Variants in MBNL2 observed in about 807,000 individuals in gnomAD.
MBNL2 encodes muscleblind like splicing regulator 2, also known as muscleblind-like protein 2.
MBNL2 carries 17 observed loss-of-function variants against 41.9 expected under a neutral mutation model. The observed-to-expected ratio is 0.41, with a 90% CI of 0.28 to 0.61. MBNL2 has a LOEUF of 0.61. Among genes scored for constraint, MBNL2 ranks in the 20% least tolerant of loss-of-function variants. The probability of loss-of-function intolerance (pLI) is 0.35; values close to 1 mark genes in which losing one functional copy is unlikely to be tolerated. For missense variants in MBNL2, 336 were observed against 505.6 expected, an observed-to-expected ratio of 0.66 and a Z score of 3.22; for synonymous variants, 195 against 182.9, an observed-to-expected ratio of 1.07 and a Z score of -0.53.
intron 5 of MBNL2, among the ~76,000 whole-genome samples, chr13:97,349,868 A>ATTCT (rs1187250318): frequency 6.6e-6 from 1 of 152,190 alleles, no homozygotes; most frequent in African/African-American, 2.4e-5. Context: ...ATAGGGATGT[A>ATTCT]TTCTTACATC....
intron 3 of MBNL2, among the ~76,000 whole-genome samples, chr13:97,342,777 G>C (rs1185365434): frequency 1.3e-5 from 2 of 152,152 alleles, no homozygotes; most frequent in Non-Finnish European, 2.9e-5. Context: ...CTTTCATAGG[G>C]ACAAAAGCTT....
intron 2 of MBNL2, among the ~76,000 whole-genome samples, chr13:97,280,416 G>A (rs2053131361): frequency 6.6e-6 from 1 of 152,192 alleles, no homozygotes; most frequent in Non-Finnish European, 1.5e-5. Flanking sequence ...TTTAAAAATA[G>A]TATTGCTAAT....
chr13:97,362,803 A>G (rs1304160654), intron 7 of MBNL2, among the ~76,000 whole-genome samples: 1 of 152,206 alleles, frequency 6.6e-6, no homozygotes, highest in East Asian at 1.9e-4. Context: ...CCTAGAGATA[A>G]TAGTGACCAG....
At chr13:97,354,002 C>T (rs1476412354) in intron 5 of MBNL2, among the ~76,000 whole-genome samples, 4 of 145,142 alleles carry the variant, frequency 2.8e-5, no homozygotes, top group Admixed American at 1.4e-4. Context: ...GCACTTGGTT[C>T]GATTACCTTG....
intron 1 of MBNL2, among the ~76,000 whole-genome samples, chr13:97,250,300 T>C (rs1023438893): frequency 6.6e-6 from 1 of 152,240 alleles, no homozygotes; most frequent in African/African-American, 2.4e-5. Context: ...CAGTGCACTT[T>C]ACTGCATCAA....
the MBNL2 span, among the ~76,000 whole-genome samples, chr13:97,187,902 G>A: frequency 9.0e-5 from 10 of 111,420 alleles, no homozygotes; most frequent in East Asian, 2.0e-3. Flanking sequence ...GTGAGACTTC[G>A]TCTCAAAAAA....
chr13:97,300,829 C>T (rs531258143), intron 2 of MBNL2, among the ~76,000 whole-genome samples: 1 of 152,274 alleles, frequency 6.6e-6, no homozygotes, highest in East Asian at 1.9e-4. Flanking sequence ...CTGTAACTGG[C>T]CTTTTACCCT....
chr13:97,382,614 C>T (rs1324151831), intron 8 of MBNL2, among the ~76,000 whole-genome samples: 2 of 152,008 alleles, frequency 1.3e-5, no homozygotes, highest in South Asian at 2.1e-4. Flanking sequence ...AGCCACCAGA[C>T]CCATTCACAC....
At chr13:97,325,329 C>T (rs950749197) in intron 2 of MBNL2, among the ~76,000 whole-genome samples, 2 of 152,122 alleles carry the variant, frequency 1.3e-5, no homozygotes, top group African/African-American at 4.8e-5. Flanking sequence ...CAATCCTTAT[C>T]GGTAAGAGGG....
At chr13:97,292,243 C>A (rs1470274748) in intron 2 of MBNL2, among the ~76,000 whole-genome samples, 1 of 149,880 alleles carries the variant, frequency 6.7e-6, no homozygotes, top group Non-Finnish European at 1.5e-5. Flanking sequence ...GAAGAGGGAA[C>A]GACCCTTTCC....
chr13:97,260,325 T>C (rs183364564), intron 1 of MBNL2, among the ~76,000 whole-genome samples: 26 of 152,250 alleles, frequency 1.7e-4, no homozygotes, highest in African/African-American at 6.0e-4. Flanking sequence ...CCGAGGTCAG[T>C]GTAGGCCGTC....
chr13:97,325,192 A>G (rs2059813899), intron 2 of MBNL2, among the ~76,000 whole-genome samples: 1 of 152,302 alleles, frequency 6.6e-6, no homozygotes, highest in African/African-American at 2.4e-5. Flanking sequence ...ATAATTTCCA[A>G]ATGAAGCATC....
At chr13:97,172,145 CA>C in the MBNL2 span, among the ~76,000 whole-genome samples, 2 of 152,052 alleles carry the variant, frequency 1.3e-5, no homozygotes, top group Non-Finnish European at 2.9e-5. Flanking sequence ...TTGTGGTATC[CA>C]CCAGGATCAC....
chr13:97,315,671 G>A (rs866710517), intron 2 of MBNL2, among the ~76,000 whole-genome samples: 11 of 152,166 alleles, frequency 7.2e-5, no homozygotes, highest in East Asian at 1.9e-4. Context: ...ACTCATAGAC[G>A]AGGAAGGAAG....
At chr13:97,166,837 T>A in the MBNL2 span, among the ~76,000 whole-genome samples, 4,739 of 143,264 alleles carry the variant, frequency 0.033, 137 homozygotes, top group African/African-American at 0.088. Flanking sequence ...GATAGATAGA[T>A]AGAAAGATAG....
chr13:97,383,854 A>T (rs1279280360), intron 8 of MBNL2, among the ~76,000 whole-genome samples: 1 of 152,104 alleles, frequency 6.6e-6, no homozygotes, highest in Non-Finnish European at 1.5e-5. Flanking sequence ...ACTATTTTTA[A>T]GTGTCTTTTC....
At chr13:97,231,295 C>G (rs1048983949) in intron 1 of MBNL2, among the ~76,000 whole-genome samples, 16 of 152,330 alleles carry the variant, frequency 1.1e-4, no homozygotes, top group African/African-American at 3.8e-4. Flanking sequence ...CTGGGGATCT[C>G]ATTAAAAATG....
intron 6 of MBNL2, 141 bp from the exon 7 acceptor site, chr13:97,357,341 G>T: frequency 1.5e-6 from 1 of 670,394 alleles, no homozygotes; most frequent in Non-Finnish European, 2.6e-6. Flanking sequence ...CGACATTGCC[G>T]CTGTTTAAAT....
chr13:97,238,065 C>T (rs2043618257), intron 1 of MBNL2, among the ~76,000 whole-genome samples: 1 of 152,118 alleles, frequency 6.6e-6, no homozygotes, highest in Admixed American at 6.5e-5. Flanking sequence ...CATAAACACA[C>T]AGGAGGATGG....
Sources: allele counts gnomAD v4.1 joint callset (sites outside exome capture counted in the v4.1 genomes callset), GRCh38; gene constraint gnomAD v4.1.1; transcripts MANE v1.5; gene names NCBI Gene and HGNC (gene_info 2026-07-23, HGNC 2026-07-21).